Variants in PCDHGA10 observed in about 807,000 individuals in gnomAD.
PCDHGA10 encodes the protein protocadherin gamma subfamily A, 10, also known as protocadherin gamma-A10.
Under a neutral mutation model 59.5 loss-of-function variants are expected in PCDHGA10, and 42 were observed. The observed-to-expected ratio is 0.71, with a 90% CI of 0.55 to 0.91. The LOEUF (loss-of-function observed/expected upper bound fraction) is 0.91. Ranked by LOEUF, PCDHGA10 falls within the 40% of genes least tolerant of loss-of-function variation. The pLI, the probability that PCDHGA10 is intolerant of heterozygous loss-of-function variation, is 0.00. For synonymous variants in PCDHGA10, 511 were observed against 517.2 expected (o/e 0.99, Z 0.16); for missense variants, 1,111 against 1,198.2 (o/e 0.93, Z 1.07).
rs2099748032 is a variant in PCDHGA10 at position 141,493,397 on chromosome 5, G to A, written c.2437-1410G>A. ...TTAAAAGCTTGAGGACAGGAGAGGG[G>A]AGTTGCCTCTGCTGGGATTTTGCTT... On this transcript the variant is annotated intron_variant, in intron 1 of 3. Coordinates refer to ENST00000398610, the MANE Select transcript of PCDHGA10 (RefSeq NM_018913.3). This position sits in a 1 kb window ranked among gnomAD's most constrained non-coding sequence, Gnocchi z 4.3. Among the ~76,000 whole-genome samples the A allele has an allele frequency of 6.6e-6, 1 of 152,176 alleles. No individual in the cohort carries two copies. Among genetic ancestry groups the A allele is most frequent in the Non-Finnish European group, 1.5e-5 (1 of 68,040 alleles).
intron 1 of PCDHGA10, chr5:141,427,747 C>A (rs2097063869): frequency 1.6e-6 from 2 of 1,277,502 alleles, no homozygotes; most frequent in Non-Finnish European, 2.2e-6. Flanking sequence ...GTCTCCTACT[C>A]CATCGTTACC....
At chr5:141,464,189 C>T (rs1215955823) in intron 1 of PCDHGA10, among the ~76,000 whole-genome samples, 1 of 150,620 alleles carries the variant, frequency 6.6e-6, no homozygotes, top group Non-Finnish European at 1.5e-5. Context: ...TGCTTGATTT[C>T]AGGAGGCGGA....
chr5:141,497,125 G>A (rs968031174), intron 2 of PCDHGA10, among the ~76,000 whole-genome samples: 1 of 152,094 alleles, frequency 6.6e-6, no homozygotes, highest in South Asian at 2.1e-4. Context: ...GGCAGAGGTT[G>A]CAGTGAGCTG....
intron 1 of PCDHGA10, chr5:141,419,779 GC>G: frequency 1.2e-6 from 2 of 1,614,064 alleles, no homozygotes; most frequent in African/African-American, 2.7e-5. Context: ...CGGTCCGCCA[GC>G]GCCTGCTAGT....
At chr5:141,474,871 A>G (rs894657981) in intron 1 of PCDHGA10, among the ~76,000 whole-genome samples, 5 of 152,236 alleles carry the variant, frequency 3.3e-5, no homozygotes, top group African/African-American at 1.2e-4. Context: ...ATAGGATAGG[A>G]GCAGGAACTC....
chr5:141,458,702 T>G (rs1333580253), intron 1 of PCDHGA10, among the ~76,000 whole-genome samples: 1 of 152,102 alleles, frequency 6.6e-6, no homozygotes, highest in East Asian at 1.9e-4. Context: ...CCCGAGTAGC[T>G]GGGATTACAG....
At chr5:141,499,022 AAGG>A (rs2099788758) in intron 2 of PCDHGA10, among the ~76,000 whole-genome samples, 3 of 150,722 alleles carry the variant, frequency 2.0e-5, no homozygotes, top group Non-Finnish European at 3.0e-5. Context: ...GGAAGGAAGG[AAGG>A]AAGAAAAGAA....
chr5:141,473,476 A>G (rs1300050332), intron 1 of PCDHGA10, among the ~76,000 whole-genome samples: 15 of 151,558 alleles, frequency 9.9e-5, no homozygotes, highest in Admixed American at 9.2e-4. Context: ...GCCAAGTTCA[A>G]TGGAAAAAAT....
intron 1 of PCDHGA10, among the ~76,000 whole-genome samples, chr5:141,457,755 A>G (rs1011599369): frequency 2.0e-5 from 3 of 152,226 alleles, no homozygotes; most frequent in African/African-American, 4.8e-5. Flanking sequence ...GAGCCCAGAC[A>G]TGGGTTTGTA....
At chr5:141,428,134 T>C (rs746772496) in intron 1 of PCDHGA10, 1 of 1,600,266 alleles carries the variant, frequency 6.2e-7, no homozygotes, top group Non-Finnish European at 8.5e-7. Flanking sequence ...CTTTTCAGCC[T>C]GGGGCTGCAC....
intron 1 of PCDHGA10, among the ~76,000 whole-genome samples, chr5:141,435,175 C>T (rs1199067294): frequency 6.6e-6 from 1 of 152,030 alleles, no homozygotes; most frequent in East Asian, 1.9e-4. Context: ...TGGCTTTTAA[C>T]TACACTTGAG....
rs373446844 is a variant in PCDHGA10, at chr5:141,486,661, G to A, written c.2437-8146G>A. The A allele has an allele frequency of 3.1e-6, 5 of 1,613,836 alleles. No individual in the cohort carries two copies. In the African/African-American group the frequency reaches 4.0e-5, roughly 13 times the overall value. On this transcript the variant is annotated intron_variant, in intron 1 of 3. Transcript: ENST00000398610. The surrounding 1 kb of genome is among the most constrained non-coding windows in gnomAD (Gnocchi z 5.0). The stretch of plus-strand genomic sequence containing the variant: ...CGCTTATCTCCTACTCACTCCTGGA[G>A]CCCAGGAATCGAGATGTATCAGCTT...
At chr5:141,470,202 A>G (rs928782890) in intron 1 of PCDHGA10, among the ~76,000 whole-genome samples, 9 of 152,216 alleles carry the variant, frequency 5.9e-5, no homozygotes, top group Non-Finnish European at 1.2e-4. Flanking sequence ...GATAAATATG[A>G]AGGCTAAACC....
intron 1 of PCDHGA10, among the ~76,000 whole-genome samples, chr5:141,454,796 ATTTTTTTTTTTTTT>A (rs61612330): frequency 5.2e-5 from 4 of 77,408 alleles, no homozygotes; most frequent in Non-Finnish European, 9.3e-5. Flanking sequence ...CATGGTTCTA[ATTTTTTTTTTTTTT>A]TTTTTTTTTT....
At chr5:141,454,774 G>A (rs1228452126) in intron 1 of PCDHGA10, among the ~76,000 whole-genome samples, 2 of 144,796 alleles carry the variant, frequency 1.4e-5, no homozygotes, top group African/African-American at 2.6e-5. Context: ...TTTTTACAAG[G>A]AAATAATCCT....
chr5:141,455,477 C>A (rs557286491), intron 1 of PCDHGA10, among the ~76,000 whole-genome samples: 15 of 152,252 alleles, frequency 9.9e-5, no homozygotes, highest in African/African-American at 2.9e-4. Flanking sequence ...TATGCAGAGG[C>A]TGGTGGAGGT....
chr5:141,462,623 T>C (rs992165332), intron 1 of PCDHGA10, among the ~76,000 whole-genome samples: 3 of 150,992 alleles, frequency 2.0e-5, no homozygotes, highest in Non-Finnish European at 4.4e-5. Context: ...CTTTTAGAAG[T>C]TCCATTTGAC....
At chr5:141,450,509 G>A (rs2098683055) in intron 1 of PCDHGA10, among the ~76,000 whole-genome samples, 1 of 151,878 alleles carries the variant, frequency 6.6e-6, no homozygotes, top group African/African-American at 2.4e-5. Flanking sequence ...GTTTTGAGAT[G>A]GAGTCTCATT....
At chr5:141,430,902 T>C (rs373775073) in intron 1 of PCDHGA10, 4 of 1,606,232 alleles carry the variant, frequency 2.5e-6, no homozygotes, top group Admixed American at 3.4e-5. Context: ...GTGGGCGACA[T>C]CTCCAGGGAC....
Sources: gnomAD v4.1 joint callset for allele counts (sites outside exome capture counted in the v4.1 genomes callset) on GRCh38, gnomAD v4.1.1 for gene constraint, Gnocchi (gnomAD v3.1) non-coding constraint, MANE v1.5 for transcripts, NCBI Gene and HGNC (gene_info 2026-07-23, HGNC 2026-07-21) for gene names.